The following MYLK4 variants were observed in gnomAD, a reference collection of about 807,000 sequenced individuals.
MYLK4 encodes caMLCK like.
MYLK4 carries 46 observed loss-of-function variants against 48.1 expected under a neutral mutation model. The ratio of observed to expected loss-of-function variants is 0.96; its 90% confidence interval spans 0.75 to 1.22. The LOEUF (loss-of-function observed/expected upper bound fraction) is 1.22, where lower values mean the gene tolerates loss of function less well. Among genes scored for constraint, MYLK4 ranks in the 50% most tolerant of loss-of-function variants. MYLK4 has a pLI of 0.00. For synonymous variants in MYLK4, 170 were observed against 180.8 expected (o/e 0.94, Z 0.48); for missense variants, 451 against 486.1 (o/e 0.93, Z 0.68).
chr6:2,752,148 A>T (rs567574085), upstream of MYLK4, among the ~76,000 whole-genome samples: 5 of 152,320 alleles, frequency 3.3e-5, 1 homozygote, highest in African/African-American at 1.2e-4. Context: ...CAAACCAACC[A>T]CAGGCTTGAG....
At chr6:2,697,375 C>T (rs545172327) in intron 2 of MYLK4, among the ~76,000 whole-genome samples, 27 of 152,330 alleles carry the variant, frequency 1.8e-4, no homozygotes, top group Non-Finnish European at 3.5e-4. Context: ...TCATCGCTTG[C>T]GTGCCAGTTT....
intron 8 of MYLK4, 146 bp from the exon 9 acceptor site, chr6:2,679,554 CAAGAGGCTCAAAAACTTGTA>C: frequency 9.4e-7 from 1 of 1,066,076 alleles, no homozygotes; most frequent in Non-Finnish European, 1.4e-6. Context: ...AACAATCAAG[CAAGAGGCTCAAAAACTTGTA>C]AAGAGGCCCC....
chr6:2,765,185 C>CT, the MYLK4 span, among the ~76,000 whole-genome samples: 13 of 101,838 alleles, frequency 1.3e-4, 1 homozygote, highest in African/African-American at 4.2e-4. Context: ...CCTCGCAACC[C>CT]CCCCCCCCGC....
chr6:2,685,305 A>G lies in MYLK4; in HGVS notation c.536T>C (p.Val179Ala). 6.2e-7 allele frequency: 1 copy of G among 1,612,134 alleles called. No homozygotes were observed. Among genetic ancestry groups the G allele is most frequent in the Non-Finnish European group, 8.5e-7 (1 of 1,178,908 alleles). ...AFESKNDIVLVMEYVDGGELF... is the reference protein window; with the variant it reads ...AFESKNDIVLAMEYVDGGELF... ...CGGAGGGGATACGTACTACTCCATG[A>G]CCAGGACAATGTCGTTCTTAGACTC... The change falls in exon 6 of 13, where the codon GTC becomes GCC. Residue 179 changes from valine to alanine, a missense_variant. By Grantham distance (64) the Val-to-Ala change is moderately conservative. Coordinates refer to ENST00000274643, the MANE Select transcript of MYLK4 (RefSeq NM_001012418.5). The surrounding 1 kb of genome is among the most constrained non-coding windows in gnomAD (Gnocchi z 4.5).
At chr6:2,755,297 C>T (rs1055267566), upstream of MYLK4, among the ~76,000 whole-genome samples, 13 of 152,126 alleles carry the variant, frequency 8.5e-5, no homozygotes, top group Non-Finnish European at 1.3e-4. Flanking sequence ...ACAATGAATA[C>T]CTATACATCC....
chr6:2,766,177 C>G, the MYLK4 span: 6 of 1,370,756 alleles, frequency 4.4e-6, no homozygotes, highest in Non-Finnish European at 5.6e-6. Flanking sequence ...GCGAGGACGA[C>G]CCGGGGCACT....
At chr6:2,721,261 G>A (rs910690313) in intron 2 of MYLK4, among the ~76,000 whole-genome samples, 2 of 152,328 alleles carry the variant, frequency 1.3e-5, no homozygotes, top group Admixed American at 1.3e-4. Context: ...CAAATGTCCA[G>A]CACAATGAAT....
chr6:2,736,617 T>G (rs1763682826), intron 2 of MYLK4, among the ~76,000 whole-genome samples: 3 of 152,244 alleles, frequency 2.0e-5, no homozygotes, highest in African/African-American at 7.2e-5. Flanking sequence ...GTGAACTAGC[T>G]TCAGAGCTAG....
chr6:2,694,082 A>C (rs534343172), intron 2 of MYLK4, among the ~76,000 whole-genome samples: 43 of 152,278 alleles, frequency 2.8e-4, no homozygotes, highest in African/African-American at 9.4e-4. Context: ...TACACAATGC[A>C]GGGGGCAGCT....
At chr6:2,751,815 G>C (rs891464474), upstream of MYLK4, among the ~76,000 whole-genome samples, 12 of 152,062 alleles carry the variant, frequency 7.9e-5, 1 homozygote, top group Admixed American at 7.2e-4. Context: ...ATTTTATGTA[G>C]TATTAATGAA....
chr6:2,766,713 T>TA, the MYLK4 span, among the ~76,000 whole-genome samples: 1 of 152,224 alleles, frequency 6.6e-6, no homozygotes, highest in Admixed American at 6.5e-5. Flanking sequence ...TTACAAGATG[T>TA]GGACTCTTAG....
At chr6:2,766,145 G>A in the MYLK4 span, 3 of 1,327,136 alleles carry the variant, frequency 2.3e-6, no homozygotes, top group South Asian at 2.1e-5. Context: ...CGGCGATGGC[G>A]ACGGGGACGC....
chr6:2,702,779 T>C (rs1762337464), intron 2 of MYLK4, among the ~76,000 whole-genome samples: 1 of 152,166 alleles, frequency 6.6e-6, no homozygotes, highest in Non-Finnish European at 1.5e-5. Flanking sequence ...CAACTGTTAT[T>C]TGTCAATTAG....
At chr6:2,744,257 G>A (rs796458724) in intron 2 of MYLK4, 10 of 361,994 alleles carry the variant, frequency 2.8e-5, no homozygotes, top group African/African-American at 2.1e-4. Flanking sequence ...GGCCTTGTGT[G>A]ACAGATCTGA....
chr6:2,768,431 T>G, the MYLK4 span, among the ~76,000 whole-genome samples: 4 of 152,348 alleles, frequency 2.6e-5, no homozygotes, highest in African/African-American at 9.6e-5. Flanking sequence ...CAAAAAGGAA[T>G]CAAAGGTGGT....
At chr6:2,759,336 G>C in the MYLK4 span, among the ~76,000 whole-genome samples, 1 of 152,074 alleles carries the variant, frequency 6.6e-6, no homozygotes. Context: ...TGAACTCCTG[G>C]GTTCAAGTGA....
intron 10 of MYLK4, among the ~76,000 whole-genome samples, chr6:2,677,719 C>T (rs9405577): frequency 0.16 from 24,267 of 152,090 alleles, 2,448 homozygotes; most frequent in East Asian, 0.44. Flanking sequence ...CAATTACTGG[C>T]GGTATGATGA....
the MYLK4 span, chr6:2,765,450 G>C: frequency 1.3e-6 from 1 of 755,202 alleles, no homozygotes; most frequent in South Asian, 6.0e-5. Context: ...GCGGGCGGAC[G>C]CGGGAGCTGC....
intron 7 of MYLK4, chr6:2,680,560 G>A: frequency 2.0e-6 from 2 of 985,420 alleles, no homozygotes; most frequent in Non-Finnish European, 2.4e-6. Flanking sequence ...GCCTTGAGGG[G>A]AGCAAGAAAA....
Sources: allele counts gnomAD v4.1 joint callset (sites outside exome capture counted in the v4.1 genomes callset), GRCh38; gene constraint gnomAD v4.1.1; non-coding constraint Gnocchi (gnomAD v3.1); transcripts MANE v1.5; gene names NCBI Gene and HGNC (gene_info 2026-07-23, HGNC 2026-07-21).